The following LZTFL1 variants were observed in gnomAD, a reference collection of about 807,000 sequenced individuals.
LZTFL1 encodes the protein leucine zipper transcription factor like 1, also known as leucine zipper transcription factor-like protein 1.
A neutral mutation model predicts 45.9 loss-of-function variants in LZTFL1; 25 were observed. That is an observed-to-expected ratio of 0.54 (90% CI 0.40 to 0.76). The LOEUF (loss-of-function observed/expected upper bound fraction) is 0.76. LZTFL1 is among the 30% of genes least tolerant of loss of function. The probability of loss-of-function intolerance (pLI) is 0.00; values close to 1 mark genes in which losing one functional copy is unlikely to be tolerated. For synonymous variants in LZTFL1, 93 were observed against 117.4 expected (o/e 0.79, Z 1.35); for missense variants, 277 against 331.1 (o/e 0.84, Z 1.27).
chr3:45,901,885 C>G lies in LZTFL1; in HGVS notation c.-215+11235G>C, dbSNP rs1440536439. The G allele has an allele frequency of 6.3e-7, 1 of 1,596,970 alleles. No individual in the cohort carries two copies. ...ATGTTGCTGGAGACAACCTCAGGAG[C>G]ACTCTCCCTCTGAGGGGTCTTCTCT... On this transcript the variant is annotated intron_variant, in intron 2 of 4. Coordinates refer to the LZTFL1 transcript ENST00000472635. The surrounding 1 kb of genome is among the most constrained non-coding windows in gnomAD (Gnocchi z 4.3).
At chr3:45,894,347 C>A (rs1434043166) in intron 2 of LZTFL1, among the ~76,000 whole-genome samples, 1 of 152,184 alleles carries the variant, frequency 6.6e-6, no homozygotes, top group Non-Finnish European at 1.5e-5. Flanking sequence ...GCCCCAACCC[C>A]AGTGGGCACC....
Position 45,901,120 on chromosome 3 carries a change from A to G in LZTFL1, c.-215+12000T>C. The G allele has an allele frequency of 1.9e-6, 3 of 1,614,182 alleles. No homozygotes were observed. The highest frequency in any genetic ancestry group is 2.5e-6 in the Non-Finnish European group (3 of 1,180,026). ...TTCTGGGCCATTGCTGCTGCTGACC[A>G]GTGGAAGTTCCAGACCTTCATGTGC... On this transcript the variant is annotated intron_variant, in intron 2 of 4. Coordinates refer to the LZTFL1 transcript ENST00000472635. The surrounding 1 kb of genome is among the most constrained non-coding windows in gnomAD (Gnocchi z 4.3).
intron 7 of LZTFL1, among the ~76,000 whole-genome samples, chr3:45,829,882 T>C (rs1700771274): frequency 6.6e-6 from 1 of 152,212 alleles, no homozygotes; most frequent in Non-Finnish European, 1.5e-5. Context: ...ATAAATCTAT[T>C]GTCATTGGCA....
intron 2 of LZTFL1, among the ~76,000 whole-genome samples, chr3:45,837,191 T>C (rs1700988029): frequency 6.6e-6 from 1 of 152,264 alleles, no homozygotes; most frequent in African/African-American, 2.4e-5. Context: ...ATATAAATCC[T>C]TATTAAAATA....
At chr3:45,897,355 C>G (rs1702388519) in intron 2 of LZTFL1, among the ~76,000 whole-genome samples, 1 of 152,156 alleles carries the variant, frequency 6.6e-6, no homozygotes, top group South Asian at 2.1e-4. Flanking sequence ...ACCTAACTAA[C>G]TAAGTAACTT....
chr3:45,886,647 C>T (rs934892728), intron 2 of LZTFL1: 2 of 152,350 alleles, frequency 1.3e-5, no homozygotes, highest in African/African-American at 4.8e-5. Flanking sequence ...AGTTGCATCG[C>T]CCTCCACAGT....
At chr3:45,828,872 G>T (rs1700740071) in intron 7 of LZTFL1, among the ~76,000 whole-genome samples, 1 of 152,080 alleles carries the variant, frequency 6.6e-6, no homozygotes, top group African/African-American at 2.4e-5. Flanking sequence ...CATAAAATAT[G>T]ATTTGTGAAC....
chr3:45,879,726 A>G (rs1223533752), intron 2 of LZTFL1, among the ~76,000 whole-genome samples: 4 of 152,202 alleles, frequency 2.6e-5, no homozygotes, highest in Non-Finnish European at 4.4e-5. Context: ...GGATGTTGAT[A>G]GTGGGAAGGT....
At chr3:45,910,548 A>C (rs1702776005) in intron 2 of LZTFL1, among the ~76,000 whole-genome samples, 1 of 152,220 alleles carries the variant, frequency 6.6e-6, no homozygotes, top group African/African-American at 2.4e-5. Flanking sequence ...CTTCCCAGGC[A>C]TCAACAAGGC....
chr3:45,836,851 G>T (rs1356236088), intron 2 of LZTFL1, among the ~76,000 whole-genome samples: 1 of 152,150 alleles, frequency 6.6e-6, no homozygotes, highest in Admixed American at 6.5e-5. Context: ...CTGGGCAAAG[G>T]ATTCATGCCC....
In LZTFL1 at chr3:45,827,416, A is replaced by G; in HGVS notation, c.821T>C (p.Met274Thr). ...KFQQTAAYRN[M>T]KEILTKKNDQ... ...ATTCTTCTTGGTAAGAATCTCTTTC[A>G]TGTTTCGATAAGCTGCTGTTTGCTG... The change falls in exon 9 of 10, where the codon ATG (methionine) becomes ACG (threonine). Residue 274 changes from methionine to threonine, a missense_variant. Physicochemically the swap from Met to Thr is moderately conservative, Grantham distance 81 (BLOSUM62 -1). Coordinates refer to ENST00000296135, the MANE Select transcript of LZTFL1 (RefSeq NM_020347.4). 6.2e-7 allele frequency: 1 copy of G among 1,613,900 alleles called. No homozygotes were observed. The highest frequency in any genetic ancestry group is 8.5e-7 in the Non-Finnish European group (1 of 1,179,852).
chr3:45,900,015 G>A lies in LZTFL1; in HGVS notation c.-215+13105C>T, dbSNP rs1702496116. Among the ~76,000 whole-genome samples, 1 of 152,176 alleles carries A rather than the reference G, an allele frequency of 6.6e-6. No homozygotes were observed. Among genetic ancestry groups the A allele is most frequent in the Admixed American group, 6.5e-5 (1 of 15,276 alleles). ...CATGAGTGTTGGCATGTTTGTGTAC[G>A]AGAGCATGTGCAAGTGCATGTATTA... On this transcript the variant is annotated intron_variant, in intron 2 of 4. Transcript: ENST00000472635. The surrounding 1 kb of genome is among the most constrained non-coding windows in gnomAD (Gnocchi z 4.7).
chr3:45,861,338 A>AAAT (rs764112792), intron 2 of LZTFL1, among the ~76,000 whole-genome samples: 1 of 152,188 alleles, frequency 6.6e-6, no homozygotes, highest in Non-Finnish European at 1.5e-5. Flanking sequence ...ACAGTGATTA[A>AAAT]AATGCAAAAG....
intron 2 of LZTFL1, among the ~76,000 whole-genome samples, chr3:45,875,982 A>G (rs1289854594): frequency 6.6e-6 from 1 of 152,248 alleles, no homozygotes; most frequent in Non-Finnish European, 1.5e-5. Context: ...CTACTGTGTG[A>G]TCTTAGGACA....
At chr3:45,854,556 ACT>A (rs371426089) in intron 4 of LZTFL1, 16,333 of 124,538 alleles carry the variant, frequency 0.13, 1,253 homozygotes, top group African/African-American at 0.28. Flanking sequence ...CAAGAGCGAA[ACT>A]CTGTCTCAAA....
chr3:45,913,806 C>G (rs764521902), intron 1 of LZTFL1, among the ~76,000 whole-genome samples: 8 of 152,186 alleles, frequency 5.3e-5, no homozygotes, highest in African/African-American at 1.2e-4. Flanking sequence ...ACGCATACCC[C>G]CTGGATACTT....
At chr3:45,892,409 A>G (rs566172154) in intron 2 of LZTFL1, among the ~76,000 whole-genome samples, 2 of 152,326 alleles carry the variant, frequency 1.3e-5, no homozygotes, top group East Asian at 3.9e-4. Context: ...TGTCCTTTGA[A>G]GCAACATGGA....
chr3:45,892,551 A>G (rs1337927994), intron 2 of LZTFL1, among the ~76,000 whole-genome samples: 1 of 152,056 alleles, frequency 6.6e-6, no homozygotes, highest in Non-Finnish European at 1.5e-5. Flanking sequence ...AGACACTGGG[A>G]CCCCCTTGAG....
chr3:45,836,618 G>A (rs867725389), intron 2 of LZTFL1, among the ~76,000 whole-genome samples: 7 of 152,130 alleles, frequency 4.6e-5, no homozygotes, highest in Admixed American at 3.3e-4. Flanking sequence ...TCATGCCACC[G>A]CACTCCAGCC....
Sources: gnomAD v4.1 joint callset for allele counts (sites outside exome capture counted in the v4.1 genomes callset) on GRCh38, gnomAD v4.1.1 for gene constraint, Gnocchi (gnomAD v3.1) non-coding constraint, MANE v1.5 for transcripts, NCBI Gene and HGNC (gene_info 2026-07-23, HGNC 2026-07-21) for gene names.